CIT: variants seen among roughly 807,000 people sequenced by gnomAD.
CIT encodes the protein citron rho-interacting serine/threonine kinase.
Under a neutral mutation model 272.7 loss-of-function variants are expected in CIT, and 79 were observed. The ratio of observed to expected loss-of-function variants is 0.29; its 90% CI spans 0.24 to 0.35. The LOEUF is 0.35. Ranked by LOEUF, CIT falls within the 10% of genes least tolerant of loss-of-function variation. The probability of loss-of-function intolerance (pLI) is 1.00; values close to 1 mark genes in which losing one functional copy is unlikely to be tolerated. For missense variants in CIT, 1,909 were observed against 2,618.3 expected (o/e 0.73, Z 5.91); for synonymous variants, 948 against 995.6 (o/e 0.95, Z 0.90).
intron 28 of CIT, among the ~76,000 whole-genome samples, chr12:119,727,495 G>A (rs1024921246): frequency 5.3e-5 from 8 of 152,184 alleles, no homozygotes; most frequent in East Asian, 1.9e-4. Context: ...ATTACCTATC[G>A]GGTACGATAT....
chr12:119,787,537 C>T (rs1964905339), intron 10 of CIT, among the ~76,000 whole-genome samples: 1 of 151,594 alleles, frequency 6.6e-6, no homozygotes. Context: ...CCAGACCATC[C>T]TGGCTAACAC....
chr12:119,799,938 A>G (rs984989598), intron 10 of CIT, among the ~76,000 whole-genome samples: 1 of 151,782 alleles, frequency 6.6e-6, no homozygotes, highest in African/African-American at 2.4e-5. Flanking sequence ...AAGCCAAAAG[A>G]TTGGACACCC....
intron 19 of CIT, among the ~76,000 whole-genome samples, chr12:119,765,286 C>T (rs190500555): frequency 1.3e-5 from 2 of 149,740 alleles, no homozygotes; most frequent in Non-Finnish European, 3.0e-5. Context: ...GCCTATAGTC[C>T]CAGCTACTTG....
In CIT at chr12:119,690,911, C is replaced by T. The variant is rs1227313784; in HGVS notation, c.5883-457G>A. 2.0e-5 allele frequency among the ~76,000 whole-genome samples: 3 copies of T among 152,216 alleles called. No homozygotes were observed. The highest frequency in any genetic ancestry group is 4.4e-5 in the Non-Finnish European group (3 of 68,040). ...TTGATAGGCCAGGCGCAGTGGCGCA[C>T]ACCTGTAATCCCAGCACTTTGGGAG... On this transcript the variant is annotated intron_variant, in intron 46 of 47. Coordinates refer to ENST00000392521, the MANE Select transcript of CIT (RefSeq NM_001206999.2). This position sits in a 1 kb window ranked among gnomAD's most constrained non-coding sequence, Gnocchi z 6.0.
At chr12:119,843,531 G>A (rs964819695) in intron 5 of CIT, among the ~76,000 whole-genome samples, 2 of 152,160 alleles carry the variant, frequency 1.3e-5, no homozygotes, top group Non-Finnish European at 2.9e-5. Flanking sequence ...TATCTTCAGG[G>A]CCAGGCGTGG....
At chr12:119,868,806 GAGATTATAGGT>G (rs1380528359) in intron 3 of CIT, among the ~76,000 whole-genome samples, 1 of 152,226 alleles carries the variant, frequency 6.6e-6, no homozygotes, top group Non-Finnish European at 1.5e-5. Flanking sequence ...CCAAAGGGCT[GAGATTATAGGT>G]ATGAGCCATT....
In CIT at chr12:119,767,092, T is replaced by C. The variant is rs1962537568; in HGVS notation, c.2299A>G (p.Ile767Val). Residue 767 changes from isoleucine to valine, a missense_variant, in exon 19 of 48, where the codon ATT becomes GTT. Around this residue, in one of 8 missense-constraint regions of CIT, gnomAD observed 530 missense variants for 822.4 expected, o/e 0.64. Transcript: ENST00000392521. Reference sequence around the variant, plus strand: ...AGATCAGAAAATGTCTTTACTTTAATCTTTTCCTCATAGTGCTGCTCTTTC... The same window carrying C: ...AGATCAGAAAATGTCTTTACTTTAACCTTTTCCTCATAGTGCTGCTCTTTC... ...KQKEQHYEEK[I>V]KVLDNQIKKD... The C allele has an allele frequency of 6.2e-7, 1 of 1,608,958 alleles. No individual in the cohort carries two copies. Among genetic ancestry groups the C allele is most frequent in the Non-Finnish European group, 8.5e-7 (1 of 1,177,368 alleles).
intron 23 of CIT, among the ~76,000 whole-genome samples, chr12:119,745,479 CA>C (rs199660408): frequency 0.067 from 8,750 of 129,846 alleles, 399 homozygotes; most frequent in African/African-American, 0.15. Context: ...TTCAAACATA[CA>C]AAAGTTGAAG....
At chr12:119,873,022 TC>T (rs1038369589) in intron 2 of CIT, among the ~76,000 whole-genome samples, 17 of 152,124 alleles carry the variant, frequency 1.1e-4, no homozygotes, top group African/African-American at 4.1e-4. Flanking sequence ...AGTCTTGAAC[TC>T]TTGGACTCAA....
At position 119,825,233 on chromosome 12, in the gene CIT, T is replaced by C. The variant is rs759353851; in HGVS notation, c.889A>G (p.Ile297Val). The C allele has an allele frequency of 6.2e-7, 1 of 1,614,092 alleles. No individual in the cohort carries two copies. The highest frequency in any genetic ancestry group is 8.5e-7 in the Non-Finnish European group (1 of 1,180,020). The change falls in exon 8 of 48, where the codon ATT (isoleucine) becomes GTT (valine). Residue 297 changes from isoleucine to valine, a missense_variant. Coordinates refer to ENST00000392521, the MANE Select transcript of CIT (RefSeq NM_001206999.2). The stretch of plus-strand genomic sequence containing the variant: ...TCTGCGAAGGGGGATCTCCCATAAA[T>C]CATCTCATAGGCAATCACGCCCACT... ...WSVGVIAYEM[I>V]YGRSPFAEGT... is the part of the protein sequence containing the mutation.
chr12:119,695,939 G>C (rs190287894), intron 46 of CIT, among the ~76,000 whole-genome samples: 7 of 152,334 alleles, frequency 4.6e-5, no homozygotes, highest in Admixed American at 3.3e-4. Flanking sequence ...ATGACAATTT[G>C]TAAAAGCTTG....
chr12:119,810,983 C>A (rs1478335815), intron 9 of CIT, among the ~76,000 whole-genome samples: 1 of 152,146 alleles, frequency 6.6e-6, no homozygotes, highest in African/African-American at 2.4e-5. Context: ...TTCTCCCCTC[C>A]CACTAGGAAG....
intron 37 of CIT, chr12:119,711,068 A>T: frequency 2.2e-6 from 3 of 1,367,148 alleles, no homozygotes; most frequent in Non-Finnish European, 2.9e-6. Flanking sequence ...GGCAGGCAGA[A>T]GCTCGTAAGA....
intron 3 of CIT, among the ~76,000 whole-genome samples, chr12:119,866,296 C>A (rs887941465): frequency 6.6e-6 from 1 of 152,148 alleles, no homozygotes; most frequent in Non-Finnish European, 1.5e-5. Flanking sequence ...AGCCCCAGAG[C>A]ATGCATCAAA....
chr12:119,741,315 G>T (rs1297836943), intron 24 of CIT, among the ~76,000 whole-genome samples: 1 of 152,216 alleles, frequency 6.6e-6, no homozygotes, highest in East Asian at 1.9e-4. Context: ...GTTATCAGAG[G>T]TCAGCATAGT....
intron 2 of CIT, among the ~76,000 whole-genome samples, chr12:119,872,991 T>G (rs1950729004): frequency 6.6e-6 from 1 of 151,582 alleles, no homozygotes; most frequent in Non-Finnish European, 1.5e-5. Context: ...AGAGATGGGG[T>G]TTCACCATTT....
intron 23 of CIT, chr12:119,742,693 C>A (rs1197336834): frequency 2.5e-6 from 1 of 400,134 alleles, no homozygotes. Context: ...TACATGCACA[C>A]CCTGTACAAA....
In CIT at chr12:119,718,494, C is replaced by T. The variant is rs1245419932; in HGVS notation, c.4004-85G>A. On this transcript the variant is annotated intron_variant, in intron 31 of 47. Coordinates refer to ENST00000392521, the MANE Select transcript of CIT (RefSeq NM_001206999.2). The surrounding 1 kb of genome is among the most constrained non-coding windows in gnomAD (Gnocchi z 4.8). ...AGCCGAATGTCCCTGGGCTATCTTT[C>T]AAGGACCCAAGACCAAAAGAATATG... is the stretch of plus-strand genomic sequence containing the variant. The T allele has an allele frequency of 1.5e-5, 22 of 1,509,838 alleles. No individual in the cohort carries two copies. Among genetic ancestry groups the T allele is most frequent in the Non-Finnish European group, 1.9e-5 (21 of 1,118,572 alleles). The allele number at this position is 1,509,838 out of a possible 1,614,324, so 93.5% of individuals were successfully genotyped here.
At position 119,714,322 on chromosome 12, in the gene CIT, C is replaced by A. The variant is rs767893979; in HGVS notation, c.4181G>T (p.Arg1394Leu). 6 of 1,613,892 alleles carry A rather than the reference C, an allele frequency of 3.7e-6. No homozygotes were observed. The highest frequency in any genetic ancestry group is 5.1e-6 in the Non-Finnish European group (6 of 1,179,942). Residue 1394 changes from arginine (R) to leucine (L), a missense_variant, in exon 33 of 48, where the codon CGT becomes CTT. By Grantham distance (102) the Arg-to-Leu change is moderately radical. Around this residue, in one of 8 missense-constraint regions of CIT, gnomAD observed 780 missense variants for 1,067.2 expected, o/e 0.73. Coordinates refer to ENST00000392521, the MANE Select transcript of CIT (RefSeq NM_001206999.2). ...ESSTPEEFSR[R>L]LKERMHHNIP... ...ATTGTGGTGCATGCGTTCCTTAAGA[C>A]GCCGACTAAATTCTGGAGGAAAATG...
Sources: gnomAD v4.1 joint callset for allele counts (sites outside exome capture counted in the v4.1 genomes callset) on GRCh38, gnomAD v4.1.1 for gene constraint, gnomAD v4.1.1 regional missense constraint, Gnocchi (gnomAD v3.1) non-coding constraint, MANE v1.5 for transcripts, NCBI Gene and HGNC (gene_info 2026-07-23, HGNC 2026-07-21) for gene names.